The following CYP27C1 variants were observed in gnomAD, a reference collection of about 807,000 sequenced individuals.
CYP27C1 encodes the protein cytochrome P450 family 27 subfamily C member 1.
Under a neutral mutation model 40.6 loss-of-function variants are expected in CYP27C1, and 29 were observed. The ratio of observed to expected loss-of-function variants is 0.71; its 90% CI spans 0.53 to 0.97. CYP27C1 has a LOEUF of 0.97. CYP27C1 is among the 50% of genes least tolerant of loss of function. The pLI, the probability that CYP27C1 is intolerant of heterozygous loss-of-function variation, is 0.00. For missense variants in CYP27C1, 390 were observed against 485.8 expected, an observed-to-expected ratio of 0.80 and a Z score of 1.85; for synonymous variants, 198 against 186.8, an observed-to-expected ratio of 1.06 and a Z score of -0.49.
intron 1 of CYP27C1, among the ~76,000 whole-genome samples, chr2:127,206,702 G>C (rs146260708): frequency 6.6e-6 from 1 of 152,292 alleles, no homozygotes; most frequent in Non-Finnish European, 1.5e-5. Context: ...AGCAAACAGA[G>C]CCCTGTCTGC....
chr2:127,193,441 C>T (rs902053096), intron 7 of CYP27C1, 144 bp from the exon 8 acceptor site: 41 of 876,184 alleles, frequency 4.7e-5, no homozygotes, highest in South Asian at 2.2e-4. Flanking sequence ...GGATGGCAGC[C>T]GCTCCCCCCT....
rs199999961 is a variant in CYP27C1, at chr2:127,195,323, C to T, written c.1214+12G>A. The T allele has an allele frequency of 3.3e-3, 5,378 of 1,613,836 alleles. 45 individuals are homozygous for T. The highest frequency in any genetic ancestry group is 0.02 in the South Asian group (1,831 of 91,046). On this transcript the variant is annotated intron_variant, in intron 6 of 8. Coordinates refer to ENST00000664447, the MANE Select transcript of CYP27C1 (RefSeq NM_001367502.1). The surrounding 1 kb of genome is among the most constrained non-coding windows in gnomAD (Gnocchi z 6.2). ...GACACAGTTTGTTGACGGATTCTGG[C>T]GAGCCTTTTACCTCAGGGTTTCCTT... is the stretch of plus-strand genomic sequence containing the variant.
chr2:127,206,315 GTTTGTTTT>G (rs1416151302), intron 1 of CYP27C1, among the ~76,000 whole-genome samples: 1 of 149,684 alleles, frequency 6.7e-6, no homozygotes, highest in African/African-American at 2.5e-5. Flanking sequence ...TTGTTTGTTT[GTTTGTTTT>G]TTAGAGACAG....
chr2:127,201,213 C>T lies in CYP27C1; in HGVS notation c.792G>A (p.Met264Ile), dbSNP rs1683026514. The change falls in exon 4 of 9, where the codon ATG becomes ATA. Residue 264 changes from methionine to isoleucine, a missense_variant. Transcript: ENST00000664447. The surrounding 1 kb of genome is among the most constrained non-coding windows in gnomAD (Gnocchi z 6.0). Reference sequence around the variant, plus strand: ...GCCATCTGGGGATGGCGCCTGCATACATGGAGGTCTTGAACATGCTAAACA... The same window carrying T: ...GCCATCTGGGGATGGCGCCTGCATATATGGAGGTCTTGAACATGCTAAACA... ...ELMFSMFKTSMYAGAIPRWLR... is the reference protein window; with the variant it reads ...ELMFSMFKTSIYAGAIPRWLR... The T allele has an allele frequency of 1.2e-6, 2 of 1,614,204 alleles. No homozygotes were observed. The highest frequency in any genetic ancestry group is 1.7e-6 in the Non-Finnish European group (2 of 1,180,042).
At position 127,218,266 on chromosome 2, in the gene CYP27C1, G is replaced by A. The variant is rs908939047; in HGVS notation, c.282+1723C>T. ...ACCTGTGCCCATGGAACAAACTCTG[G>A]GTGAGGTATGAGGATAAAAGCAGAT... is the stretch of plus-strand genomic sequence containing the variant. On this transcript the variant is annotated intron_variant, in intron 1 of 8. Transcript: ENST00000664447. This position sits in a 1 kb window ranked among gnomAD's most constrained non-coding sequence, Gnocchi z 6.0. Among the ~76,000 whole-genome samples, 2 of 152,124 alleles carry A rather than the reference G, an allele frequency of 1.3e-5. No individual in the cohort carries two copies. Among genetic ancestry groups the A allele is most frequent in the Admixed American group, 1.3e-4 (2 of 15,280 alleles).
At chr2:127,192,625 G>T (rs560185007) in intron 8 of CYP27C1, among the ~76,000 whole-genome samples, 86 of 152,056 alleles carry the variant, frequency 5.7e-4, no homozygotes, top group South Asian at 2.3e-3. Context: ...TTCCCGGGGG[G>T]GGGGGCTGCT....
At position 127,195,971 on chromosome 2, in the gene CYP27C1, T is replaced by C. The variant is rs539206059; in HGVS notation, c.1048-470A>G. ...GGCTGCCCTAATCTAGAGATTGGAG[T>C]GCACAGGAGATCACTAGTTAGCCAT... On this transcript the variant is annotated intron_variant, in intron 5 of 8. Coordinates refer to ENST00000664447, the MANE Select transcript of CYP27C1 (RefSeq NM_001367502.1). This position sits in a 1 kb window ranked among gnomAD's most constrained non-coding sequence, Gnocchi z 6.2. Among the ~76,000 whole-genome samples the C allele has an allele frequency of 1.7e-3, 264 of 152,092 alleles. 1 individual carries two copies. The highest frequency in any genetic ancestry group is 7.9e-3 in the South Asian group (38 of 4,812).
rs1304513898 is a variant in CYP27C1 at position 127,187,153 on chromosome 2, A to G, written c.*118T>C. ...GTCCCAGGACCTGGGAGGCCAGTCT[A>G]TAACAAGACAGCCTTTAGCGACATC... On this transcript the variant is annotated 3_prime_UTR_variant, in exon 9 of 9. Coordinates refer to ENST00000664447, the MANE Select transcript of CYP27C1 (RefSeq NM_001367502.1). 13 of 828,744 alleles carry G rather than the reference A, an allele frequency of 1.6e-5. No individual in the cohort carries two copies. In the South Asian group the frequency reaches 1.8e-4, roughly 11 times the overall value. The allele number at this position is 828,744 out of a possible 1,614,324, so 51.3% of individuals were successfully genotyped here.
Position 127,205,924 on chromosome 2 carries a change from C to T in CYP27C1, c.449G>A (p.Gly150Glu), listed in dbSNP as rs1191764022. Reference protein sequence around the residue: ...ESWREYRDLRGRATGLISAEG... With the variant: ...ESWREYRDLRERATGLISAEG... ...CGCCGAGATGAGCCCGGTGGCTCTC[C>T]CCCGCAAGTCTCGGTACTCCCGCCA... The change falls in exon 2 of 9, where the codon GGG becomes GAG. Residue 150 changes from glycine to glutamate, a missense_variant. Transcript: ENST00000664447. Among the ~76,000 whole-genome samples the T allele has an allele frequency of 6.6e-6, 1 of 152,230 alleles. No individual in the cohort carries two copies. The highest frequency in any genetic ancestry group is 1.5e-5 in the Non-Finnish European group (1 of 68,036).
chr2:127,214,364 G>A (rs1302379195), intron 1 of CYP27C1, among the ~76,000 whole-genome samples: 1 of 152,160 alleles, frequency 6.6e-6, no homozygotes, highest in Non-Finnish European at 1.5e-5. Flanking sequence ...AAAAACACAT[G>A]CACACATATT....
rs540032827 is a variant in CYP27C1 at position 127,218,523 on chromosome 2, G to T, written c.282+1466C>A. ...TGGCGGACTTGAGGAGGGACGGTTGGGACTTCCTGGCATTAAAATTAAATT... is the reference window on the plus strand; with the variant it reads ...TGGCGGACTTGAGGAGGGACGGTTGTGACTTCCTGGCATTAAAATTAAATT... On this transcript the variant is annotated intron_variant, in intron 1 of 8. Transcript: ENST00000664447. This position sits in a 1 kb window ranked among gnomAD's most constrained non-coding sequence, Gnocchi z 6.0. Among the ~76,000 whole-genome samples, 48 of 152,154 alleles carry T rather than the reference G, an allele frequency of 3.2e-4. No individual in the cohort carries two copies. Among genetic ancestry groups the T allele is most frequent in the Admixed American group, 2.3e-3 (35 of 15,288 alleles).
In CYP27C1 at chr2:127,219,101, GCCTCCGTCC is replaced by G. The variant is rs1048883204; in HGVS notation, c.282+879_282+887del. The stretch of plus-strand genomic sequence containing the variant: ...AGCCTACGGCACCCCGAGCCTCCGA[GCCTCCGTCC>G]CCTCTTCCCCCGCCATTACAAAATA... On this transcript the variant is annotated intron_variant, in intron 1 of 8. Coordinates refer to ENST00000664447, the MANE Select transcript of CYP27C1 (RefSeq NM_001367502.1). This position sits in a 1 kb window ranked among gnomAD's most constrained non-coding sequence, Gnocchi z 8.7. Among the ~76,000 whole-genome samples the G allele has an allele frequency of 8.5e-5, 13 of 152,192 alleles. No individual in the cohort carries two copies. Among genetic ancestry groups the G allele is most frequent in the African/African-American group, 3.1e-4 (13 of 41,542 alleles).
intron 2 of CYP27C1, among the ~76,000 whole-genome samples, chr2:127,203,967 TAAAA>T (rs1683098760): frequency 6.6e-6 from 1 of 151,380 alleles, no homozygotes; most frequent in African/African-American, 2.4e-5. Context: ...GTACTGATAT[TAAAA>T]AAGAAAAAGA....
chr2:127,194,973 G>A (rs939742409), intron 6 of CYP27C1, among the ~76,000 whole-genome samples: 8 of 151,976 alleles, frequency 5.3e-5, no homozygotes, highest in Admixed American at 1.3e-4. Context: ...GGGACTACAG[G>A]TGCCTACCAC....
At position 127,208,482 on chromosome 2, in the gene CYP27C1, C is replaced by T. The variant is rs1406693212; in HGVS notation, c.283-2392G>A. Reference sequence around the variant, plus strand: ...CTCAGCTGGAATCTGTTTAAGCCTACTGAACTCCTGAGGGGATGGGCGACC... The same window carrying T: ...CTCAGCTGGAATCTGTTTAAGCCTATTGAACTCCTGAGGGGATGGGCGACC... On this transcript the variant is annotated intron_variant, in intron 1 of 8. Transcript: ENST00000664447. This position sits in a 1 kb window ranked among gnomAD's most constrained non-coding sequence, Gnocchi z 5.2. 6.6e-6 allele frequency among the ~76,000 whole-genome samples: 1 copy of T among 152,214 alleles called. No homozygotes were observed. Among genetic ancestry groups the T allele is most frequent in the Non-Finnish European group, 1.5e-5 (1 of 68,040 alleles).
Position 127,187,296 on chromosome 2 carries a change from T to C in CYP27C1, c.1589A>G (p.His530Arg). The change falls in exon 9 of 9, where the codon CAC becomes CGC. Residue 530 changes from histidine to arginine, a missense_variant. His to Arg is a conservative substitution (Grantham distance 29, BLOSUM62 0). Transcript: ENST00000664447. ...TTACTTTCTGTTAACAAATCGCACG[T>C]GGATGGGCCCCCCTGGCGTCAGGAG... Reference protein sequence around the residue: ...HGLLTPGGPIHVRFVNRK With the variant: ...HGLLTPGGPIRVRFVNRK 1 of 1,614,084 alleles carries C rather than the reference T, an allele frequency of 6.2e-7. No individual in the cohort carries two copies.
At chr2:127,203,261 T>C in intron 3 of CYP27C1, 111 bp downstream of exon 3, 1 of 1,254,996 alleles carries the variant, frequency 8.0e-7, no homozygotes, top group Non-Finnish European at 1.1e-6. Context: ...TGCATGTATG[T>C]CCCAGACTTA....
intron 1 of CYP27C1, among the ~76,000 whole-genome samples, chr2:127,214,639 T>C (rs1452677111): frequency 1.3e-5 from 2 of 151,808 alleles, no homozygotes; most frequent in African/African-American, 2.4e-5. Context: ...TGAACACAGA[T>C]AGGGGAATAA....
rs376465407 is a variant in CYP27C1, at chr2:127,196,444, C to T, written c.1048-943G>A. ...TTATTCTCGTAGGTCCCAAGATTTT[C>T]GCTAAAATCAATAGTATCATCTATG... On this transcript the variant is annotated intron_variant, in intron 5 of 8. Transcript: ENST00000664447. This position sits in a 1 kb window ranked among gnomAD's most constrained non-coding sequence, Gnocchi z 4.5. 4.5e-4 allele frequency among the ~76,000 whole-genome samples: 69 copies of T among 152,048 alleles called. No homozygotes were observed. Among genetic ancestry groups the T allele is most frequent in the African/African-American group, 1.2e-3 (51 of 41,480 alleles).
Sources: allele counts gnomAD v4.1 joint callset (sites outside exome capture counted in the v4.1 genomes callset), GRCh38; gene constraint gnomAD v4.1.1; non-coding constraint Gnocchi (gnomAD v3.1); transcripts MANE v1.5; gene names NCBI Gene and HGNC (gene_info 2026-07-23, HGNC 2026-07-21).